Variants in FGGY observed in about 807,000 individuals in gnomAD.
FGGY encodes the protein FGGY carbohydrate kinase domain-containing protein.
In FGGY, 72 loss-of-function variants were observed where a neutral mutation model predicts 71.3. That is an observed-to-expected ratio of 1.01 (90% confidence interval 0.84 to 1.23). The LOEUF is 1.23. FGGY is among the 50% of genes most tolerant of loss of function. The pLI, the probability that FGGY is intolerant of heterozygous loss-of-function variation, is 0.00. For missense variants in FGGY, 668 were observed against 682.3 expected (o/e 0.98, Z 0.23); for synonymous variants, 251 against 250.3 (o/e 1.00, Z -0.02).
chr1:59,475,583 G>A (rs754223583), intron 6 of FGGY, among the ~76,000 whole-genome samples: 69 of 152,144 alleles, frequency 4.5e-4, no homozygotes, highest in Non-Finnish European at 7.1e-4. Flanking sequence ...TCAGTAGAAG[G>A]TGTCACAATT....
At chr1:59,615,032 C>T (rs1339126275) in intron 9 of FGGY, among the ~76,000 whole-genome samples, 1 of 152,190 alleles carries the variant, frequency 6.6e-6, no homozygotes, top group African/African-American at 2.4e-5. Context: ...ATTCCATGCT[C>T]ATGGGTAGGA....
At chr1:59,452,665 T>C (rs2091301915) in intron 5 of FGGY, among the ~76,000 whole-genome samples, 1 of 152,250 alleles carries the variant, frequency 6.6e-6, no homozygotes, top group Admixed American at 6.5e-5. Context: ...TATTCTGCAT[T>C]AACAAGTCTG....
At chr1:59,435,321 GC>G (rs1487905936) in intron 5 of FGGY, among the ~76,000 whole-genome samples, 1 of 152,134 alleles carries the variant, frequency 6.6e-6, no homozygotes, top group Non-Finnish European at 1.5e-5. Flanking sequence ...AAACACAGAA[GC>G]CCCCTCTTAG....
At chr1:59,600,982 CTTTTTTTT>C (rs377505663) in intron 8 of FGGY, among the ~76,000 whole-genome samples, 2 of 127,044 alleles carry the variant, frequency 1.6e-5, no homozygotes, top group Non-Finnish European at 3.3e-5. Flanking sequence ...ATTCTCTATG[CTTTTTTTT>C]TTTTTTTTTT....
At chr1:59,638,147 G>A (rs1396098315) in intron 10 of FGGY, 81 bp from the exon 11 acceptor site, 2 of 1,409,488 alleles carry the variant, frequency 1.4e-6, no homozygotes, top group Non-Finnish European at 9.7e-7. Context: ...GGATCTGGAA[G>A]TACAAATGGT....
At chr1:59,384,280 C>G (rs1298547357) in intron 5 of FGGY, among the ~76,000 whole-genome samples, 1 of 152,052 alleles carries the variant, frequency 6.6e-6, no homozygotes, top group African/African-American at 2.4e-5. Context: ...CCATTTCCCT[C>G]TCTTCCAGAG....
chr1:59,342,249 A>T (rs138008828), intron 3 of FGGY, among the ~76,000 whole-genome samples: 3 of 152,304 alleles, frequency 2.0e-5, no homozygotes, highest in Non-Finnish European at 4.4e-5. Context: ...AACTTTTTAA[A>T]AAAGTTTTCT....
At chr1:59,325,883 C>T (rs183603712) in intron 2 of FGGY, among the ~76,000 whole-genome samples, 1 of 152,342 alleles carries the variant, frequency 6.6e-6, no homozygotes, top group African/African-American at 2.4e-5. Flanking sequence ...CTCTGTCTTC[C>T]TCCCTACATT....
At chr1:59,384,358 C>T in intron 5 of FGGY, among the ~76,000 whole-genome samples, 1 of 152,150 alleles carries the variant, frequency 6.6e-6, no homozygotes, top group East Asian at 1.9e-4. Flanking sequence ...CCTTGGCCCA[C>T]TTACAGCTTG....
intron 8 of FGGY, among the ~76,000 whole-genome samples, chr1:59,589,758 T>TA (rs1400401038): frequency 6.6e-6 from 1 of 152,030 alleles, no homozygotes; most frequent in East Asian, 1.9e-4. Context: ...AGACACAACA[T>TA]ACCAGAATCT....
intron 6 of FGGY, among the ~76,000 whole-genome samples, chr1:59,469,786 C>A (rs928117160): frequency 6.6e-6 from 1 of 152,084 alleles, no homozygotes; most frequent in African/African-American, 2.4e-5. Context: ...TGTGTGTTAT[C>A]CCCCTCATTG....
At chr1:59,753,669 C>T (rs1212338695) in intron 14 of FGGY, among the ~76,000 whole-genome samples, 1 of 151,282 alleles carries the variant, frequency 6.6e-6, no homozygotes, top group Non-Finnish European at 1.5e-5. Context: ...CTTTATTATG[C>T]ATATATAACT....
intron 6 of FGGY, among the ~76,000 whole-genome samples, chr1:59,495,592 T>C (rs1334667044): frequency 1.3e-5 from 2 of 152,116 alleles, no homozygotes; most frequent in East Asian, 3.8e-4. Context: ...CTAGGTTTTC[T>C]TCTAGGGTTT....
chr1:59,689,617 G>A (rs528160761), intron 14 of FGGY, among the ~76,000 whole-genome samples: 7 of 151,652 alleles, frequency 4.6e-5, no homozygotes, highest in African/African-American at 1.7e-4. Context: ...AAGAAAAATA[G>A]CTTTTAAATT....
intron 5 of FGGY, among the ~76,000 whole-genome samples, chr1:59,401,778 A>G (rs1444888751): frequency 6.6e-6 from 1 of 152,252 alleles, no homozygotes; most frequent in Admixed American, 6.5e-5. Flanking sequence ...TAATCAAGTC[A>G]TAAGTCATGA....
intron 2 of FGGY, among the ~76,000 whole-genome samples, chr1:59,336,810 A>G (rs2049635697): frequency 6.6e-6 from 1 of 152,002 alleles, no homozygotes; most frequent in Non-Finnish European, 1.5e-5. Context: ...AGAGATTACC[A>G]TCTGAACAAT....
chr1:59,615,671 C>T (rs2096744554), intron 9 of FGGY, among the ~76,000 whole-genome samples: 1 of 152,196 alleles, frequency 6.6e-6, no homozygotes, highest in African/African-American at 2.4e-5. Context: ...TAAAGAGCTT[C>T]TGCCCAGCAA....
intron 14 of FGGY, among the ~76,000 whole-genome samples, chr1:59,731,835 G>C (rs1306398174): frequency 1.3e-5 from 2 of 152,028 alleles, no homozygotes; most frequent in Non-Finnish European, 2.9e-5. Context: ...ATCTGGCTCT[G>C]ATCCCCTGCT....
Position 59,367,047 on chromosome 1 carries a change from C to T in FGGY, c.466-11702C>T, listed in dbSNP as rs1375071429. On this transcript the variant is annotated intron_variant, in intron 4 of 15. Coordinates refer to ENST00000303721, the MANE Select transcript of FGGY (RefSeq NM_018291.5). The stretch of plus-strand genomic sequence containing the variant: ...GGAGCCAGGTTAAGAGTCCTGAGAG[C>T]CAGACTACAGAGTTAAAATGGGATT... Among the ~76,000 whole-genome samples, 4 of 152,230 alleles carry T rather than the reference C, an allele frequency of 2.6e-5. No individual in the cohort carries two copies. In the East Asian group the frequency reaches 7.7e-4, roughly 29 times the overall value.
Sources: gnomAD v4.1 joint callset for allele counts (sites outside exome capture counted in the v4.1 genomes callset) on GRCh38, gnomAD v4.1.1 for gene constraint, MANE v1.5 for transcripts, NCBI Gene and HGNC (gene_info 2026-07-23, HGNC 2026-07-21) for gene names.